Variants in PRKCB observed in about 807,000 individuals in gnomAD.
PRKCB encodes the protein protein kinase C beta type.
PRKCB carries 13 observed loss-of-function variants against 81.5 expected under a neutral mutation model. That is an observed-to-expected ratio of 0.16 (90% confidence interval 0.10 to 0.25). The LOEUF is 0.25. PRKCB is among the 10% of genes least tolerant of loss of function. The pLI, the probability that PRKCB is intolerant of heterozygous loss-of-function variation, is 1.00. For missense variants in PRKCB, 509 were observed against 875.7 expected (o/e 0.58, Z 5.29); for synonymous variants, 335 against 321.4 (o/e 1.04, Z -0.45).
At chr16:23,969,694 A>G (rs1309914608) in intron 2 of PRKCB, among the ~76,000 whole-genome samples, 1 of 152,178 alleles carries the variant, frequency 6.6e-6, no homozygotes, top group South Asian at 2.1e-4. Flanking sequence ...CATTATCATC[A>G]TCATCGTCAC....
intron 3 of PRKCB, among the ~76,000 whole-genome samples, chr16:24,001,237 G>A (rs1965030588): frequency 1.3e-5 from 2 of 152,288 alleles, no homozygotes; most frequent in South Asian, 4.1e-4. Flanking sequence ...TGTCTGGTTT[G>A]TCTAAAGATA....
intron 9 of PRKCB, among the ~76,000 whole-genome samples, chr16:24,146,563 A>C (rs567962451): frequency 6.6e-6 from 1 of 152,138 alleles, no homozygotes; most frequent in Non-Finnish European, 1.5e-5. Flanking sequence ...CCATGCCCTA[A>C]CCATTATGCA....
intron 10 of PRKCB, among the ~76,000 whole-genome samples, chr16:24,170,317 A>G (rs1489589034): frequency 6.6e-6 from 1 of 152,064 alleles, no homozygotes; most frequent in Non-Finnish European, 1.5e-5. Context: ...ACAAATTATG[A>G]TGTGGTCAGA....
At chr16:23,841,609 TC>T (rs1343273588) in intron 2 of PRKCB, among the ~76,000 whole-genome samples, 1 of 150,892 alleles carries the variant, frequency 6.6e-6, no homozygotes, top group Admixed American at 6.6e-5. Flanking sequence ...TGCCTCAGTG[TC>T]CTGAGTAGCT....
intron 12 of PRKCB, among the ~76,000 whole-genome samples, chr16:24,176,591 G>C (rs1480526681): frequency 6.6e-6 from 1 of 152,046 alleles, no homozygotes; most frequent in African/African-American, 2.4e-5. Flanking sequence ...TATTATTCTG[G>C]TTTTGAAAGG....
Position 24,215,419 on chromosome 16 carries a change from G to A in PRKCB, c.*603G>A, listed in dbSNP as rs3785380. Reference sequence around the variant, plus strand: ...CGGTCTCAATCTAAAAGCACTTCAAGGGGTCAAAGGGCAACCAGCTTGGGT... The same window carrying A: ...CGGTCTCAATCTAAAAGCACTTCAAAGGGTCAAAGGGCAACCAGCTTGGGT... On this transcript the variant is annotated 3_prime_UTR_variant, in exon 17 of 17. Coordinates refer to ENST00000643927, the MANE Select transcript of PRKCB (RefSeq NM_002738.7). The A allele has an allele frequency of 0.042, 41,214 of 985,828 alleles. 1,008 individuals are homozygous for A. Among genetic ancestry groups the A allele is most frequent in the East Asian group, 0.15 (1,289 of 8,808 alleles). The allele number at this position is 985,828 out of a possible 1,614,324, so 61.1% of individuals were successfully genotyped here. A position where few individuals can be genotyped will look rare whatever the true frequency, so the allele number is the denominator to read the frequency against.
chr16:23,865,993 C>A (rs1477818402), intron 2 of PRKCB, among the ~76,000 whole-genome samples: 1 of 152,012 alleles, frequency 6.6e-6, no homozygotes, highest in Non-Finnish European at 1.5e-5. Flanking sequence ...GGGATTCTAT[C>A]CTTTGAGTCT....
In PRKCB at chr16:24,174,590, C is replaced by T. The variant is rs1170808666; in HGVS notation, c.1394+10C>T. On this transcript the variant is annotated intron_variant, in intron 12 of 16. Transcript: ENST00000643927. ...AGGGCATCATTTACCGGTAAGTGAA[C>T]ACTGCTGTACTTTCCATCTCTTCAT... 6.2e-7 allele frequency: 1 copy of T among 1,605,614 alleles called. No homozygotes were observed. Among genetic ancestry groups the T allele is most frequent in the Non-Finnish European group, 8.5e-7 (1 of 1,173,620 alleles).
At chr16:24,165,559 A>G (rs1168142650) in intron 10 of PRKCB, among the ~76,000 whole-genome samples, 1 of 152,160 alleles carries the variant, frequency 6.6e-6, no homozygotes, top group Non-Finnish European at 1.5e-5. Flanking sequence ...TATTTTCCAG[A>G]TTTTGATGTT....
intron 2 of PRKCB, among the ~76,000 whole-genome samples, chr16:23,847,478 A>ACCCATCCG (rs1962397773): frequency 6.6e-6 from 1 of 150,690 alleles, no homozygotes; most frequent in Non-Finnish European, 1.5e-5. Flanking sequence ...CCATCCATCC[A>ACCCATCCG]CCCAGCTATT....
At position 23,869,194 on chromosome 16, in the gene PRKCB, C is replaced by T. The variant is rs188984408; in HGVS notation, c.205+31788C>T. On this transcript the variant is annotated intron_variant, in intron 2 of 16. Coordinates refer to ENST00000643927, the MANE Select transcript of PRKCB (RefSeq NM_002738.7). The stretch of plus-strand genomic sequence containing the variant: ...AGACACAATCTACTCTACATTTAAA[C>T]AGAGGCTTTGAGAAGCTATTGTGTG... 1.1e-4 allele frequency: 51 copies of T among 446,834 alleles called. 2 individuals carry two copies. Among genetic ancestry groups the T allele is most frequent in the African/African-American group, 9.2e-4 (46 of 49,994 alleles). The allele number at this position is 446,834 out of a possible 1,614,324, so 27.7% of individuals were successfully genotyped here.
rs757992423 is a variant in PRKCB at position 24,035,486 on chromosome 16, G to A, written c.468G>A (p.Thr156=). ...NVPSLCGTDH[T]ERRGRIYIQA... is the part of the protein sequence containing the mutation. ...CCAGCCTGTGTGGCACGGACCACAC[G>A]GAGCGCCGCGGCCGCATCTACATCC... Residue 156 remains threonine (T), a synonymous_variant, in exon 5 of 17, where the codon ACG becomes ACA. Transcript: ENST00000643927. The A allele has an allele frequency of 9.9e-6, 16 of 1,614,156 alleles. No individual in the cohort carries two copies. The highest frequency in any genetic ancestry group is 1.3e-5 in the Non-Finnish European group (15 of 1,180,002).
At chr16:24,153,306 A>G (rs1967106437) in intron 9 of PRKCB, among the ~76,000 whole-genome samples, 1 of 152,114 alleles carries the variant, frequency 6.6e-6, no homozygotes, top group African/African-American at 2.4e-5. Context: ...TTCCTGCAAT[A>G]TGGGATTCAC....
At chr16:24,212,216 C>T (rs1210774299) in intron 16 of PRKCB, among the ~76,000 whole-genome samples, 2 of 151,980 alleles carry the variant, frequency 1.3e-5, no homozygotes, top group African/African-American at 4.8e-5. Context: ...TCCTGCTGTC[C>T]TAAGACACTT....
Position 23,848,562 on chromosome 16 carries a change from G to A in PRKCB, c.205+11156G>A, listed in dbSNP as rs549168994. ...ACTGTATCCTTAGACGCGGAGGGCCGTAGAAATGAATTTTCCTCTGAAAGG... is the reference window on the plus strand; with the variant it reads ...ACTGTATCCTTAGACGCGGAGGGCCATAGAAATGAATTTTCCTCTGAAAGG... On this transcript the variant is annotated intron_variant, in intron 2 of 16. Coordinates refer to ENST00000643927, the MANE Select transcript of PRKCB (RefSeq NM_002738.7). 3.2e-4 allele frequency among the ~76,000 whole-genome samples: 49 copies of A among 152,162 alleles called. 1 individual carries two copies. Among genetic ancestry groups the A allele is most frequent in the Admixed American group, 2.6e-4 (4 of 15,280 alleles).
At chr16:23,891,957 C>G (rs1963301499) in intron 2 of PRKCB, among the ~76,000 whole-genome samples, 1 of 152,206 alleles carries the variant, frequency 6.6e-6, no homozygotes, top group Non-Finnish European at 1.5e-5. Context: ...AGAATCCCTT[C>G]TAGTGTAATG....
chr16:23,916,645 T>C (rs1276423040), intron 2 of PRKCB, among the ~76,000 whole-genome samples: 1 of 152,222 alleles, frequency 6.6e-6, no homozygotes, highest in East Asian at 1.9e-4. Flanking sequence ...GCACATCATA[T>C]ACATTTATTT....
chr16:24,183,990 G>A (rs1428456130), intron 13 of PRKCB, among the ~76,000 whole-genome samples: 1 of 152,118 alleles, frequency 6.6e-6, no homozygotes, highest in Non-Finnish European at 1.5e-5. Context: ...TTATCTTAAG[G>A]AAATACTTGG....
At chr16:24,151,300 C>T (rs1002442685) in intron 9 of PRKCB, among the ~76,000 whole-genome samples, 3 of 152,178 alleles carry the variant, frequency 2.0e-5, no homozygotes, top group African/African-American at 2.4e-5. Flanking sequence ...TTACTGGCAC[C>T]GCTTTGCTTT....
Sources: allele counts gnomAD v4.1 joint callset (sites outside exome capture counted in the v4.1 genomes callset), GRCh38; gene constraint gnomAD v4.1.1; transcripts MANE v1.5; gene names NCBI Gene and HGNC (gene_info 2026-07-23, HGNC 2026-07-21).